The following NAXE variants were observed in gnomAD, a reference collection of about 807,000 sequenced individuals.
NAXE encodes the protein NAD(P)H-hydrate epimerase.
A neutral mutation model predicts 31.2 loss-of-function variants in NAXE; 25 were observed. That is an observed-to-expected ratio of 0.80 (90% CI 0.58 to 1.12). The LOEUF (loss-of-function observed/expected upper bound fraction) is 1.12. Ranked by LOEUF, NAXE falls within the 50% of genes most tolerant of loss-of-function variation. The pLI is 0.00. For missense variants in NAXE, 362 were observed against 376.1 expected (o/e 0.96, Z 0.31); for synonymous variants, 144 against 154.5 (o/e 0.93, Z 0.50).
intron 5 of NAXE, 124 bp from the exon 6 acceptor site, chr1:156,593,758 C>T (rs570326478): frequency 3.5e-5 from 47 of 1,333,152 alleles, no homozygotes; most frequent in Non-Finnish European, 4.2e-5. Context: ...ACGTGGAGCT[C>T]GTTGGACGAG....
chr1:156,592,505 G>C (rs1677359264), intron 3 of NAXE, 30 bp downstream of exon 3: 5 of 1,613,494 alleles, frequency 3.1e-6, no homozygotes, highest in Non-Finnish European at 4.2e-6. Context: ...CTGTGGGGGA[G>C]GAGGGCGTGA....
At chr1:156,593,096 A>G in intron 4 of NAXE, 1 of 429,948 alleles carries the variant, frequency 2.3e-6, no homozygotes, top group Non-Finnish European at 4.1e-6. Flanking sequence ...TGGTTTGCTT[A>G]AAGTCACTAA....
At position 156,594,125 on chromosome 1, in the gene NAXE, C is replaced by T; in HGVS notation, c.*41C>T. On this transcript the variant is annotated 3_prime_UTR_variant, in exon 6 of 6. Transcript: ENST00000368235. ...TATTCTTCCCAATAAAGACTTAGAG[C>T]CCCTCTCTTCCAGAACTGTGGATTC... 6.3e-7 allele frequency: 1 copy of T among 1,594,994 alleles called. No individual in the cohort carries two copies. Among genetic ancestry groups the T allele is most frequent in the Non-Finnish European group, 8.6e-7 (1 of 1,164,366 alleles).
Position 156,593,558 on chromosome 1 carries a change from G to A in NAXE, c.664+3G>A. 6.2e-7 allele frequency: 1 copy of A among 1,614,166 alleles called. No homozygotes were observed. Among genetic ancestry groups the A allele is most frequent in the Non-Finnish European group, 8.5e-7 (1 of 1,180,022 alleles). On this transcript the variant is annotated splice_donor_region_variant and intron_variant, in intron 5 of 5. Transcript: ENST00000368235. Reference sequence around the variant, plus strand: ...TGCCAGCATCGACATTCCCTCAGGTGCTGGGATCCAGAAGGTGGGGTGGGG... The same window carrying A: ...TGCCAGCATCGACATTCCCTCAGGTACTGGGATCCAGAAGGTGGGGTGGGG...
At position 156,593,979 on chromosome 1, in the gene NAXE, C is replaced by T. The variant is rs1454561080; in HGVS notation, c.762C>T (p.Arg254=). 1 of 1,614,078 alleles carries T rather than the reference C, an allele frequency of 6.2e-7. No individual in the cohort carries two copies. The highest frequency in any genetic ancestry group is 8.5e-7 in the Non-Finnish European group (1 of 1,180,038). Residue 254 remains arginine (R), a synonymous_variant, in exon 6 of 6, where the codon CGC becomes CGT. Transcript: ENST00000368235. The part of the protein sequence containing the change: ...PKKSATQFTG[R]YHYLGGRFVP... ...AATCTGCAACCCAGTTTACCGGTCG[C>T]TACCATTACCTGGGGGGTCGTTTTG...
rs766369581 is a variant in NAXE at position 156,592,502 on chromosome 1, G to A, written c.402+27G>A. ...TGAGTATGTGGGGAGGGGCTGTGGG[G>A]GAGGAGGGCGTGAGGGCTCTGGGAT... On this transcript the variant is annotated intron_variant, in intron 3 of 5. Coordinates refer to ENST00000368235, the MANE Select transcript of NAXE (RefSeq NM_144772.3). The A allele has an allele frequency of 5.1e-5, 83 of 1,613,542 alleles. No homozygotes were observed. In the East Asian group the frequency reaches 1.5e-3, roughly 29 times the overall value.
rs754557536 is a variant in NAXE at position 156,591,954 on chromosome 1, G to T, written c.150G>T (p.Glu50Asp). Residue 50 changes from glutamate (E) to aspartate (D), a missense_variant, in exon 1 of 6, where the codon GAG (glutamate) becomes GAT (aspartate). Glu to Asp is a conservative substitution (Grantham distance 45, BLOSUM62 2). Coordinates refer to ENST00000368235, the MANE Select transcript of NAXE (RefSeq NM_144772.3). ...RLNSGGRWDS[E>D]VMASTVVKYL... Reference sequence around the variant, plus strand: ...ACTCGGGTGGCCGCTGGGACTCAGAGGTCATGGCGAGCACGGTGGTGAAGT... The same window carrying T: ...ACTCGGGTGGCCGCTGGGACTCAGATGTCATGGCGAGCACGGTGGTGAAGT... 84 of 1,613,068 alleles carry T rather than the reference G, an allele frequency of 5.2e-5. No individual in the cohort carries two copies. Among genetic ancestry groups the T allele is most frequent in the Non-Finnish European group, 6.8e-5 (80 of 1,179,792 alleles).
chr1:156,593,719 GC>G, intron 5 of NAXE, 162 bp from the exon 6 acceptor site: 2 of 1,325,590 alleles, frequency 1.5e-6, no homozygotes, highest in Non-Finnish European at 1.0e-6. Flanking sequence ...TTACATGTTG[GC>G]CCCATGAAGA....
chr1:156,593,030 G>A (rs908132361), intron 4 of NAXE: 1 of 382,540 alleles, frequency 2.6e-6, no homozygotes, highest in Non-Finnish European at 4.7e-6. Context: ...ATGGGAAATT[G>A]GGTAATTTTT....
At chr1:156,592,958 C>T in intron 4 of NAXE, 1 of 455,108 alleles carries the variant, frequency 2.2e-6, no homozygotes, top group Non-Finnish European at 3.9e-6. Flanking sequence ...CATGATCTAC[C>T]CCTCAGGGGC....
intron 5 of NAXE, 133 bp from the exon 6 acceptor site, chr1:156,593,749 C>T (rs1417911048): frequency 6.1e-6 from 8 of 1,311,402 alleles, no homozygotes; most frequent in Admixed American, 2.0e-5. Flanking sequence ...CCCAAGGGTA[C>T]GTGGAGCTCG....
At position 156,593,394 on chromosome 1, in the gene NAXE, C is replaced by T. The variant is rs1283370851; in HGVS notation, c.517-14C>T. Reference sequence around the variant, plus strand: ...AGCTGCTGGCTCTGACATCCTTTTCCTGCTCCACCACAGCCCATGACGATT... The same window carrying T: ...AGCTGCTGGCTCTGACATCCTTTTCTTGCTCCACCACAGCCCATGACGATT... On this transcript the variant is annotated splice_polypyrimidine_tract_variant and intron_variant, in intron 4 of 5. Coordinates refer to ENST00000368235, the MANE Select transcript of NAXE (RefSeq NM_144772.3). 6.2e-7 allele frequency: 1 copy of T among 1,608,768 alleles called. No homozygotes were observed. Among genetic ancestry groups the T allele is most frequent in the Non-Finnish European group, 8.5e-7 (1 of 1,176,730 alleles).
At chr1:156,592,840 C>CTGTGCTCGA in intron 4 of NAXE, 170 bp downstream of exon 4, 1 of 616,290 alleles carries the variant, frequency 1.6e-6, no homozygotes. Context: ...AAAGTGTGCT[C>CTGTGCTCGA]CATGAGTCCC....
intron 2 of NAXE, 77 bp from the exon 3 acceptor site, chr1:156,592,288 G>A (rs949051057): frequency 6.2e-6 from 10 of 1,603,518 alleles, no homozygotes; most frequent in Non-Finnish European, 8.5e-6. Flanking sequence ...GGCACAAAGG[G>A]GTGGGAGAGA....
In NAXE at chr1:156,593,504, A is replaced by T. The variant is rs151024218; in HGVS notation, c.613A>T (p.Ser205Cys). The change falls in exon 5 of 6, where the codon AGT becomes TGT. Residue 205 changes from serine (S) to cysteine (C), a missense_variant. Physicochemically the swap from Ser to Cys is moderately radical, Grantham distance 112. Transcript: ENST00000368235. ...DVREPFHSIL[S>C]VLKGLTVPIA... ...TCGGGAACCGTTCCACAGCATCCTG[A>T]GTGTCCTGAAGGGACTCACTGTGCC... The T allele has an allele frequency of 1.2e-6, 2 of 1,614,186 alleles. No individual in the cohort carries two copies. The highest frequency in any genetic ancestry group is 2.2e-5 in the South Asian group (2 of 91,086).
Position 156,593,546 on chromosome 1 carries a change from A to C in NAXE, c.655A>C (p.Ile219Leu). ...CACTGTGCCCATTGCCAGCATCGACATTCCCTCAGGTGCTGGGATCCAGAA... is the reference window on the plus strand; with the variant it reads ...CACTGTGCCCATTGCCAGCATCGACCTTCCCTCAGGTGCTGGGATCCAGAA... Reference protein sequence around the residue: ...GLTVPIASIDIPSGWDVEKGN... With the variant: ...GLTVPIASIDLPSGWDVEKGN... Residue 219 changes from isoleucine to leucine, a missense_variant, in exon 5 of 6, where the codon ATT becomes CTT. Ile to Leu is a conservative substitution (Grantham distance 5). Transcript: ENST00000368235. 1 of 1,614,162 alleles carries C rather than the reference A, an allele frequency of 6.2e-7. No homozygotes were observed. The highest frequency in any genetic ancestry group is 1.1e-5 in the South Asian group (1 of 91,078).
rs779517902 is a variant in NAXE, at chr1:156,592,435, G to T, written c.362G>T (p.Gly121Val). The change falls in exon 3 of 6, where the codon GGA becomes GTA. Residue 121 changes from glycine to valine, a missense_variant. By Grantham distance (109) the Gly-to-Val change is moderately radical (BLOSUM62 -3). Transcript: ENST00000368235. ...VLVICGPGNN[G>V]GDGLVCARHL... The stretch of plus-strand genomic sequence containing the variant: ...GTCATCTGTGGCCCGGGGAATAATG[G>T]AGGAGATGGTCTGGTCTGTGCTCGA... The T allele has an allele frequency of 6.2e-7, 1 of 1,614,198 alleles. No individual in the cohort carries two copies.
chr1:156,593,325 T>G (rs1054214723), intron 4 of NAXE, 83 bp from the exon 5 acceptor site: 1 of 1,511,954 alleles, frequency 6.6e-7, no homozygotes, highest in East Asian at 2.3e-5. Flanking sequence ...GAGAATGGTC[T>G]GCAGGTGCAG....
rs765536401 is a variant in NAXE at position 156,592,680 on chromosome 1, T to C, written c.516+10T>C. 3 of 1,598,032 alleles carry C rather than the reference T, an allele frequency of 1.9e-6. No homozygotes were observed. The highest frequency in any genetic ancestry group is 2.6e-6 in the Non-Finnish European group (3 of 1,166,100). ...GGAAATGCCCGCAGAGGTAGGTGGC[T>C]CCAGTTGAATACCTCCATCCTACAG... On this transcript the variant is annotated intron_variant, in intron 4 of 5. Transcript: ENST00000368235.
Sources: gnomAD v4.1 joint callset for allele counts on GRCh38, gnomAD v4.1.1 for gene constraint, MANE v1.5 for transcripts, NCBI Gene and HGNC (gene_info 2026-07-23, HGNC 2026-07-21) for gene names.